Variants in MAP3K3 observed in about 807,000 individuals in gnomAD.
The protein encoded by MAP3K3 is MAP/ERK kinase kinase 3.
Under a neutral mutation model 80.9 loss-of-function variants are expected in MAP3K3, and 12 were observed. That is an observed-to-expected ratio of 0.15 (90% CI 0.10 to 0.24). The LOEUF is 0.24. Ranked by LOEUF, MAP3K3 falls within the 10% of genes least tolerant of loss-of-function variation. MAP3K3 has a pLI of 1.00. For synonymous variants in MAP3K3, 272 were observed against 307.1 expected (o/e 0.89, Z 1.19); for missense variants, 596 against 834.7 (o/e 0.71, Z 3.52).
At position 63,692,206 on chromosome 17, in the gene MAP3K3, G is replaced by A. The variant is rs774639546; in HGVS notation, c.1475-36G>A. The A allele has an allele frequency of 2.5e-6, 4 of 1,611,782 alleles. No individual in the cohort carries two copies. Among genetic ancestry groups the A allele is most frequent in the Middle Eastern group, 1.7e-4 (1 of 6,040 alleles). On this transcript the variant is annotated intron_variant, in intron 14 of 15. Coordinates refer to ENST00000361733, the MANE Select transcript of MAP3K3 (RefSeq NM_002401.5). This position sits in a 1 kb window ranked among gnomAD's most constrained non-coding sequence, Gnocchi z 4.5. ...GGAGGATGGGAGAAAATGCAAGAGG[G>A]TCCAGGGTTGCAGCCTCTGCCCTTT... is the stretch of plus-strand genomic sequence containing the variant.
intron 2 of MAP3K3, chr17:63,636,904 C>A: frequency 2.1e-6 from 1 of 481,232 alleles, no homozygotes; most frequent in East Asian, 5.3e-5. Context: ...CAATATAGCC[C>A]AATTGGAGGC....
In MAP3K3 at chr17:63,635,589, A is replaced by G. The variant is rs56716170; in HGVS notation, c.126+2787A>G. On this transcript the variant is annotated intron_variant, in intron 2 of 15. Coordinates refer to ENST00000361733, the MANE Select transcript of MAP3K3 (RefSeq NM_002401.5). ...GTCTCAGCAAATGCATTTCTAGGAA[A>G]GATAGGGTAAGAGGTAGTGCGGGGA... Among the ~76,000 whole-genome samples the G allele has an allele frequency of 2.3e-4, 35 of 152,370 alleles. 2 individuals are homozygous for G. In the East Asian group the frequency reaches 6.5e-3, roughly 29 times the overall value.
At chr17:63,670,586 CA>C (rs756058538) in intron 6 of MAP3K3, among the ~76,000 whole-genome samples, 2,258 of 79,964 alleles carry the variant, frequency 0.028, 17 homozygotes, top group Non-Finnish European at 0.036. Context: ...GACTCTGTCT[CA>C]AAAAAAAAAA....
At chr17:63,650,150 T>G (rs545520106) in intron 3 of MAP3K3, among the ~76,000 whole-genome samples, 1 of 152,370 alleles carries the variant, frequency 6.6e-6, no homozygotes, top group African/African-American at 2.4e-5. Context: ...CATCTTTTCA[T>G]GTGTTTTATT....
intron 6 of MAP3K3, among the ~76,000 whole-genome samples, chr17:63,678,448 G>T (rs890413249): frequency 1.4e-5 from 2 of 145,206 alleles, no homozygotes; most frequent in South Asian, 4.1e-4. Context: ...CCTCTACCCT[G>T]TGAGTGAGAT....
At chr17:63,624,679 C>T (rs2034065393) in intron 1 of MAP3K3, among the ~76,000 whole-genome samples, 2 of 152,208 alleles carry the variant, frequency 1.3e-5, no homozygotes, top group African/African-American at 4.8e-5. Context: ...GTAAAAGGAA[C>T]ATGCAAGAGG....
intron 2 of MAP3K3, among the ~76,000 whole-genome samples, chr17:63,641,006 C>T (rs1216871748): frequency 2.6e-5 from 4 of 152,178 alleles, no homozygotes; most frequent in African/African-American, 7.2e-5. Context: ...CCATACTACC[C>T]CTCTAAATCC....
At chr17:63,671,000 A>G (rs368352492) in intron 6 of MAP3K3, among the ~76,000 whole-genome samples, 21 of 152,156 alleles carry the variant, frequency 1.4e-4, no homozygotes, top group Non-Finnish European at 1.2e-4. Flanking sequence ...GAAAAGATTG[A>G]TCTGGCTACA....
chr17:63,632,004 C>G (rs2034225967), intron 1 of MAP3K3, among the ~76,000 whole-genome samples: 1 of 152,184 alleles, frequency 6.6e-6, no homozygotes, highest in African/African-American at 2.4e-5. Context: ...TGCCATAATC[C>G]TCTCTCTATG....
chr17:63,650,710 T>TA (rs747588673), intron 3 of MAP3K3, among the ~76,000 whole-genome samples: 1 of 145,104 alleles, frequency 6.9e-6, no homozygotes, highest in Non-Finnish European at 1.5e-5. Flanking sequence ...TTTTTTTTTT[T>TA]AGACAGGGTC....
At chr17:63,656,454 A>T (rs925342767) in intron 4 of MAP3K3, among the ~76,000 whole-genome samples, 1 of 151,602 alleles carries the variant, frequency 6.6e-6, no homozygotes, top group Non-Finnish European at 1.5e-5. Context: ...AAAAAAAAAA[A>T]ATTAGTGGGG....
chr17:63,683,392 G>C (rs970170173), intron 7 of MAP3K3, among the ~76,000 whole-genome samples: 1 of 152,174 alleles, frequency 6.6e-6, no homozygotes, highest in Non-Finnish European at 1.5e-5. Context: ...GACATCAGCT[G>C]TTCTAGGGGT....
At chr17:63,635,954 G>T (rs938089074) in intron 2 of MAP3K3, among the ~76,000 whole-genome samples, 8 of 152,176 alleles carry the variant, frequency 5.3e-5, no homozygotes, top group African/African-American at 1.9e-4. Flanking sequence ...TAGCTGGAAA[G>T]GTTGTTTATT....
chr17:63,653,970 G>A (rs1483819710), intron 4 of MAP3K3, among the ~76,000 whole-genome samples: 1 of 152,048 alleles, frequency 6.6e-6, no homozygotes, highest in Non-Finnish European at 1.5e-5. Flanking sequence ...GCGCTCAAGC[G>A]ATTCCCCCAC....
intron 5 of MAP3K3, among the ~76,000 whole-genome samples, chr17:63,664,139 T>C (rs1448758844): frequency 2.1e-5 from 3 of 146,124 alleles, no homozygotes; most frequent in Non-Finnish European, 4.5e-5. Flanking sequence ...CCCAGCTACT[T>C]GGGAGGCTGA....
rs753725999 is a variant in MAP3K3, at chr17:63,692,223, C to T, written c.1475-19C>T. On this transcript the variant is annotated intron_variant, in intron 14 of 15. Coordinates refer to ENST00000361733, the MANE Select transcript of MAP3K3 (RefSeq NM_002401.5). This position sits in a 1 kb window ranked among gnomAD's most constrained non-coding sequence, Gnocchi z 4.5. ...GCAAGAGGGTCCAGGGTTGCAGCCT[C>T]TGCCCTTTCATGCCTCAGGAGCCAA... 4.3e-6 allele frequency: 7 copies of T among 1,613,466 alleles called. No homozygotes were observed. In the South Asian group the frequency reaches 4.4e-5, roughly 10 times the overall value.
chr17:63,629,133 T>G (rs1355289462), intron 1 of MAP3K3, among the ~76,000 whole-genome samples: 2 of 152,084 alleles, frequency 1.3e-5, no homozygotes, highest in Non-Finnish European at 2.9e-5. Context: ...ATTTGTTGTT[T>G]TTTTTTTTGA....
At chr17:63,690,872 G>A (rs910955568) in intron 12 of MAP3K3, 5 of 564,032 alleles carry the variant, frequency 8.9e-6, no homozygotes, top group Admixed American at 3.0e-5. Context: ...AAGCACCCAC[G>A]GCCCCTTCTC....
intron 2 of MAP3K3, among the ~76,000 whole-genome samples, chr17:63,639,252 G>A (rs966305579): frequency 1.3e-5 from 2 of 152,182 alleles, no homozygotes; most frequent in African/African-American, 4.8e-5. Flanking sequence ...GGCTGTGAAG[G>A]AAGTATAAAC....
Sources: allele counts gnomAD v4.1 joint callset (sites outside exome capture counted in the v4.1 genomes callset), GRCh38; gene constraint gnomAD v4.1.1; non-coding constraint Gnocchi (gnomAD v3.1); transcripts MANE v1.5; gene names NCBI Gene and HGNC (gene_info 2026-07-23, HGNC 2026-07-21).